Variants in NKAIN2 observed in about 807,000 individuals in gnomAD.
NKAIN2 encodes sodium/potassium-transporting ATPase subunit beta-1-interacting protein 2.
Under a neutral mutation model 32.6 loss-of-function variants are expected in NKAIN2, and 14 were observed. That is an observed-to-expected ratio of 0.43 (90% CI 0.28 to 0.67). The LOEUF is 0.67. Ranked by LOEUF, NKAIN2 falls within the 30% of genes least tolerant of loss-of-function variation. The probability of loss-of-function intolerance (pLI) is 0.17; values close to 1 mark genes in which losing one functional copy is unlikely to be tolerated. For missense variants in NKAIN2, 198 were observed against 258.3 expected (o/e 0.77, Z 1.60); for synonymous variants, 80 against 87.2 (o/e 0.92, Z 0.46).
At chr6:123,895,847 G>C (rs1256452166) in intron 1 of NKAIN2, among the ~76,000 whole-genome samples, 1 of 152,170 alleles carries the variant, frequency 6.6e-6, no homozygotes, top group Non-Finnish European at 1.5e-5. Context: ...GGACTCGAGA[G>C]GTTGATGAAT....
intron 1 of NKAIN2, among the ~76,000 whole-genome samples, chr6:124,120,908 A>G (rs976620040): frequency 2.6e-5 from 4 of 152,242 alleles, no homozygotes; most frequent in African/African-American, 7.2e-5. Flanking sequence ...TTAAAACCGT[A>G]TACTATTTGA....
intron 3 of NKAIN2, among the ~76,000 whole-genome samples, chr6:124,554,739 A>T (rs1780412128): frequency 6.6e-6 from 1 of 152,226 alleles, no homozygotes; most frequent in Non-Finnish European, 1.5e-5. Context: ...TCATTTCAAA[A>T]TTTAAATCAG....
chr6:124,747,652 TA>T, intron 4 of NKAIN2, among the ~76,000 whole-genome samples: 1 of 151,902 alleles, frequency 6.6e-6, no homozygotes, highest in African/African-American at 2.4e-5. Context: ...TGAATTATTT[TA>T]AAATCTTTCA....
At chr6:124,067,982 G>T (rs192761855) in intron 1 of NKAIN2, among the ~76,000 whole-genome samples, 7 of 152,222 alleles carry the variant, frequency 4.6e-5, no homozygotes, top group African/African-American at 1.7e-4. Context: ...TGTTCTAAAA[G>T]CATCACATCT....
chr6:124,409,287 T>C (rs202234133), intron 3 of NKAIN2, among the ~76,000 whole-genome samples: 32,248 of 151,834 alleles, frequency 0.21, 4,000 homozygotes, highest in Non-Finnish European at 0.28. Context: ...TCAAAGGGAA[T>C]GCTTCCAGTT....
At chr6:124,283,482 TA>T (rs1161916853) in intron 2 of NKAIN2, among the ~76,000 whole-genome samples, 3 of 152,258 alleles carry the variant, frequency 2.0e-5, no homozygotes, top group African/African-American at 7.2e-5. Flanking sequence ...TTTCTCATTT[TA>T]AATAATCATA....
chr6:124,101,889 T>C (rs1209640744), intron 1 of NKAIN2, among the ~76,000 whole-genome samples: 1 of 152,064 alleles, frequency 6.6e-6, no homozygotes, highest in Non-Finnish European at 1.5e-5. Flanking sequence ...AGAGCCTAGA[T>C]ATAACCAGCA....
chr6:123,971,055 G>C (rs1175717764), intron 1 of NKAIN2, among the ~76,000 whole-genome samples: 1 of 151,900 alleles, frequency 6.6e-6, no homozygotes, highest in Non-Finnish European at 1.5e-5. Flanking sequence ...CTATATGCTG[G>C]AAGCCTAGGA....
At chr6:123,929,592 A>G (rs1390362899) in intron 1 of NKAIN2, among the ~76,000 whole-genome samples, 1 of 152,182 alleles carries the variant, frequency 6.6e-6, no homozygotes, top group Non-Finnish European at 1.5e-5. Flanking sequence ...AGCCTAAATG[A>G]TAAATCTATT....
intron 3 of NKAIN2, among the ~76,000 whole-genome samples, chr6:124,598,969 A>T (rs1782202728): frequency 6.6e-6 from 1 of 151,896 alleles, no homozygotes; most frequent in Non-Finnish European, 1.5e-5. Flanking sequence ...CTTTAAGGGT[A>T]CTAATATTCC....
intron 1 of NKAIN2, among the ~76,000 whole-genome samples, chr6:123,854,991 A>G (rs747613229): frequency 2.9e-4 from 44 of 152,204 alleles, no homozygotes; most frequent in Non-Finnish European, 5.7e-4. Flanking sequence ...AGCAGCATTC[A>G]TACCTCTACT....
intron 1 of NKAIN2, among the ~76,000 whole-genome samples, chr6:124,019,417 T>A (rs931800131): frequency 1.3e-4 from 20 of 152,084 alleles, no homozygotes; most frequent in African/African-American, 4.6e-4. Context: ...AAAAAACTGT[T>A]GAAGTGAGAT....
At chr6:124,280,569 G>A (rs1795242948) in intron 1 of NKAIN2, among the ~76,000 whole-genome samples, 1 of 152,006 alleles carries the variant, frequency 6.6e-6, no homozygotes, top group Non-Finnish European at 1.5e-5. Context: ...TACCTCCCTT[G>A]GTTTTGTGTA....
At chr6:124,290,495 G>T (rs1795751398) in intron 2 of NKAIN2, among the ~76,000 whole-genome samples, 1 of 148,370 alleles carries the variant, frequency 6.7e-6, no homozygotes, top group African/African-American at 2.5e-5. Context: ...TAGTTCTTCT[G>T]GGGTTACCTC....
intron 3 of NKAIN2, among the ~76,000 whole-genome samples, chr6:124,591,707 C>A (rs1781920741): frequency 6.6e-6 from 1 of 152,120 alleles, no homozygotes; most frequent in Non-Finnish European, 1.5e-5. Context: ...ATATTTTCTT[C>A]TTTCCCTTCT....
chr6:124,333,897 A>G (rs1224134064), intron 2 of NKAIN2, among the ~76,000 whole-genome samples: 2 of 152,292 alleles, frequency 1.3e-5, no homozygotes, highest in African/African-American at 2.4e-5. Context: ...TTCAGATTAC[A>G]AAGTCATAGC....
At chr6:124,778,859 T>C (rs1416597721) in intron 4 of NKAIN2, among the ~76,000 whole-genome samples, 1 of 152,116 alleles carries the variant, frequency 6.6e-6, no homozygotes, top group Non-Finnish European at 1.5e-5. Flanking sequence ...CATTAAAAAC[T>C]ACCTTCCTTC....
intron 3 of NKAIN2, among the ~76,000 whole-genome samples, chr6:124,386,967 C>T (rs1263661088): frequency 6.6e-6 from 1 of 152,136 alleles, no homozygotes; most frequent in Non-Finnish European, 1.5e-5. Flanking sequence ...ATTCATGTTG[C>T]TCTACTTGGG....
At chr6:124,749,587 C>T (rs1287767620) in intron 4 of NKAIN2, among the ~76,000 whole-genome samples, 2 of 151,854 alleles carry the variant, frequency 1.3e-5, no homozygotes, top group African/African-American at 4.8e-5. Context: ...GGTGGAGTCA[C>T]ACTGTGTGCA....
Sources: gnomAD v4.1 joint callset for allele counts (sites outside exome capture counted in the v4.1 genomes callset) on GRCh38, gnomAD v4.1.1 for gene constraint, MANE v1.5 for transcripts, NCBI Gene and HGNC (gene_info 2026-07-23, HGNC 2026-07-21) for gene names.